The following INPP4B variants were observed in gnomAD, a reference collection of about 807,000 sequenced individuals.
INPP4B encodes inositol polyphosphate-4-phosphatase type II B.
A neutral mutation model predicts 122.5 loss-of-function variants in INPP4B; 55 were observed. That is an observed-to-expected ratio of 0.45 (90% CI 0.36 to 0.56). INPP4B has a LOEUF of 0.56. Ranked by LOEUF, INPP4B falls within the 20% of genes least tolerant of loss-of-function variation. INPP4B has a pLI of 0.00. For missense variants in INPP4B, 1,000 were observed against 1,097.7 expected (o/e 0.91, Z 1.26); for synonymous variants, 403 against 388.7 (o/e 1.04, Z -0.43).
At chr4:142,772,408 G>C (rs949585756) in intron 1 of INPP4B, among the ~76,000 whole-genome samples, 1 of 152,116 alleles carries the variant, frequency 6.6e-6, no homozygotes, top group African/African-American at 2.4e-5. Flanking sequence ...AAGTGGAGTT[G>C]AAGTTGTGAT....
intron 1 of INPP4B, among the ~76,000 whole-genome samples, chr4:142,827,122 C>A: frequency 6.6e-6 from 1 of 152,174 alleles, no homozygotes; most frequent in East Asian, 1.9e-4. Context: ...GAGGGTCAGT[C>A]TTTGGTTTCA....
chr4:142,230,372 G>A (rs561523264), intron 12 of INPP4B, among the ~76,000 whole-genome samples: 68 of 152,236 alleles, frequency 4.5e-4, no homozygotes, highest in African/African-American at 1.6e-3. Flanking sequence ...AAGGCCGGGA[G>A]CGGTGGCTCA....
chr4:142,269,715 GT>G (rs1481999193), intron 10 of INPP4B, among the ~76,000 whole-genome samples: 2 of 152,094 alleles, frequency 1.3e-5, no homozygotes, highest in Admixed American at 1.3e-4. Flanking sequence ...AATTTTAAAT[GT>G]TTTTACCACA....
At chr4:142,179,803 T>G (rs2152972848) in intron 15 of INPP4B, among the ~76,000 whole-genome samples, 1 of 152,320 alleles carries the variant, frequency 6.6e-6, no homozygotes, top group African/African-American at 2.4e-5. Flanking sequence ...GTGCTTTATT[T>G]CCTTTCCTGG....
intron 7 of INPP4B, among the ~76,000 whole-genome samples, chr4:142,333,357 T>C (rs914714625): frequency 6.6e-6 from 1 of 152,196 alleles, no homozygotes; most frequent in African/African-American, 2.4e-5. Flanking sequence ...GATCCCTAAG[T>C]ACATTAAAGT....
chr4:142,449,376 A>G (rs1205542298), intron 3 of INPP4B, among the ~76,000 whole-genome samples: 2 of 152,134 alleles, frequency 1.3e-5, no homozygotes, highest in African/African-American at 2.4e-5. Flanking sequence ...GAAATGCAGA[A>G]CCTTGAGCCA....
chr4:142,645,394 T>C (rs1751523876), intron 2 of INPP4B, among the ~76,000 whole-genome samples: 1 of 152,226 alleles, frequency 6.6e-6, no homozygotes, highest in South Asian at 2.1e-4. Flanking sequence ...TTTCCAAATA[T>C]CCATTCTTCC....
intron 2 of INPP4B, chr4:142,518,602 T>C (rs1288518191): frequency 6.6e-6 from 1 of 152,102 alleles, no homozygotes; most frequent in East Asian, 1.9e-4. Flanking sequence ...CTAACCTGCA[T>C]ACCCAATATG....
At chr4:142,091,766 T>C (rs1578869430) in intron 23 of INPP4B, among the ~76,000 whole-genome samples, 1 of 152,152 alleles carries the variant, frequency 6.6e-6, no homozygotes, top group East Asian at 1.9e-4. Context: ...ACAGGCAGGG[T>C]ATTAATAAGT....
At chr4:142,389,197 A>C (rs78920225) in intron 7 of INPP4B, among the ~76,000 whole-genome samples, 31,375 of 151,016 alleles carry the variant, frequency 0.21, 4,489 homozygotes, top group African/African-American at 0.41. Flanking sequence ...TTGCAGTAAG[A>C]CAAGATTGCC....
intron 10 of INPP4B, among the ~76,000 whole-genome samples, chr4:142,268,071 C>T (rs1743690595): frequency 6.6e-6 from 1 of 151,826 alleles, no homozygotes; most frequent in South Asian, 2.1e-4. Flanking sequence ...CGCCTGTAAT[C>T]CCAGCACTTT....
intron 2 of INPP4B, among the ~76,000 whole-genome samples, chr4:142,620,514 G>T (rs531971598): frequency 7.2e-5 from 11 of 151,888 alleles, no homozygotes; most frequent in South Asian, 2.1e-4. Flanking sequence ...AGGATGGAGT[G>T]GGGGAGGAGA....
intron 2 of INPP4B, among the ~76,000 whole-genome samples, chr4:142,558,604 G>A (rs1375081801): frequency 6.6e-6 from 1 of 151,614 alleles, no homozygotes; most frequent in Non-Finnish European, 1.5e-5. Flanking sequence ...ATCTCAGTGG[G>A]TTAACACAAG....
intron 1 of INPP4B, among the ~76,000 whole-genome samples, chr4:142,762,504 G>A (rs566451312): frequency 3.3e-5 from 5 of 152,218 alleles, no homozygotes; most frequent in South Asian, 2.1e-4. Flanking sequence ...GATAAAGCTC[G>A]CTTATGGCAC....
At chr4:142,372,826 G>A (rs766321674) in intron 7 of INPP4B, among the ~76,000 whole-genome samples, 1 of 151,976 alleles carries the variant, frequency 6.6e-6, no homozygotes, top group Non-Finnish European at 1.5e-5. Context: ...TCTAGTACTG[G>A]AAGTCAAACT....
chr4:142,157,296 A>G (rs913463877), intron 17 of INPP4B, among the ~76,000 whole-genome samples: 4 of 152,246 alleles, frequency 2.6e-5, no homozygotes, highest in South Asian at 2.1e-4. Flanking sequence ...CTATCTTTTT[A>G]TAAGGGATTT....
intron 2 of INPP4B, among the ~76,000 whole-genome samples, chr4:142,608,520 T>A (rs1025170306): frequency 6.6e-6 from 1 of 152,138 alleles, no homozygotes; most frequent in Admixed American, 6.6e-5. Context: ...TTGAAATCCA[T>A]CTCTGTCATA....
At chr4:142,045,906 T>C (rs1751101365) in intron 25 of INPP4B, among the ~76,000 whole-genome samples, 1 of 152,078 alleles carries the variant, frequency 6.6e-6, no homozygotes, top group Non-Finnish European at 1.5e-5. Flanking sequence ...ACATTTTATT[T>C]TAGGTAATAA....
At chr4:142,393,289 C>T (rs541158539) in intron 7 of INPP4B, among the ~76,000 whole-genome samples, 49 of 152,170 alleles carry the variant, frequency 3.2e-4, no homozygotes, top group Middle Eastern at 3.4e-3. Flanking sequence ...AGTTCATGCA[C>T]TAGGACCCAA....
Sources: allele counts gnomAD v4.1 joint callset (sites outside exome capture counted in the v4.1 genomes callset), GRCh38; gene constraint gnomAD v4.1.1; transcripts MANE v1.5; gene names NCBI Gene and HGNC (gene_info 2026-07-23, HGNC 2026-07-21).